The following AKAP6 variants were observed in gnomAD, a reference collection of about 807,000 sequenced individuals.
The protein encoded by AKAP6 is A-kinase anchor protein 6.
In AKAP6, 58 loss-of-function variants were observed where a neutral mutation model predicts 188.5. That is an observed-to-expected ratio of 0.31 (90% CI 0.25 to 0.38). AKAP6 has a LOEUF of 0.38. Ranked by LOEUF, AKAP6 falls within the 10% of genes least tolerant of loss-of-function variation. AKAP6 has a pLI of 1.00. For missense variants in AKAP6, 2,710 were observed against 2,740.0 expected, an observed-to-expected ratio of 0.99 and a Z score of 0.24; for synonymous variants, 989 against 998.6, an observed-to-expected ratio of 0.99 and a Z score of 0.18.
At chr14:32,691,057 T>G (rs1033997107) in intron 8 of AKAP6, among the ~76,000 whole-genome samples, 6 of 152,168 alleles carry the variant, frequency 3.9e-5, no homozygotes, top group Non-Finnish European at 7.3e-5. Flanking sequence ...GTGAATGCAT[T>G]GACATAAACC....
At chr14:32,588,177 A>G (rs754250143) in intron 5 of AKAP6, among the ~76,000 whole-genome samples, 1 of 152,220 alleles carries the variant, frequency 6.6e-6, no homozygotes, top group Non-Finnish European at 1.5e-5. Context: ...TTTAAGGATT[A>G]TTTAGTTCAT....
At chr14:32,515,585 G>A (rs1881480315) in intron 2 of AKAP6, among the ~76,000 whole-genome samples, 1 of 152,160 alleles carries the variant, frequency 6.6e-6, no homozygotes, top group African/African-American at 2.4e-5. Context: ...GGGCTTGAGA[G>A]TACAGGTCAC....
intron 7 of AKAP6, among the ~76,000 whole-genome samples, chr14:32,603,828 A>C (rs973897308): frequency 6.6e-6 from 1 of 152,206 alleles, no homozygotes; most frequent in Admixed American, 6.5e-5. Context: ...AATTGGAAAT[A>C]CTGGAGGATA....
intron 11 of AKAP6, among the ~76,000 whole-genome samples, chr14:32,744,831 A>G (rs1007851107): frequency 4.1e-4 from 62 of 151,964 alleles, no homozygotes; most frequent in African/African-American, 1.4e-3. Flanking sequence ...CTCTGACTGT[A>G]TATTTTCAAA....
At chr14:32,788,588 G>A (rs2033503935) in intron 12 of AKAP6, among the ~76,000 whole-genome samples, 1 of 151,974 alleles carries the variant, frequency 6.6e-6, no homozygotes, top group Non-Finnish European at 1.5e-5. Context: ...CCTCAGCCAA[G>A]GGAAGCAGTG....
intron 11 of AKAP6, among the ~76,000 whole-genome samples, chr14:32,760,316 C>A (rs1203366221): frequency 6.6e-6 from 1 of 152,196 alleles, no homozygotes; most frequent in African/African-American, 2.4e-5. Context: ...CACCAGAGGA[C>A]ATTTATCCTG....
intron 11 of AKAP6, among the ~76,000 whole-genome samples, chr14:32,755,030 G>A (rs2032279888): frequency 6.6e-6 from 1 of 152,124 alleles, no homozygotes; most frequent in Non-Finnish European, 1.5e-5. Context: ...AGATCTGAAT[G>A]TTCATGTCCC....
At chr14:32,741,025 T>TG (rs1402209836) in intron 11 of AKAP6, among the ~76,000 whole-genome samples, 1 of 151,218 alleles carries the variant, frequency 6.6e-6, no homozygotes, top group Non-Finnish European at 1.5e-5. Flanking sequence ...TTTCTTTTTT[T>TG]TTTTTTGTGT....
intron 2 of AKAP6, among the ~76,000 whole-genome samples, chr14:32,534,539 T>C (rs1026706683): frequency 2.0e-5 from 3 of 152,214 alleles, no homozygotes; most frequent in Admixed American, 1.3e-4. Context: ...GAGTTAGTAA[T>C]GTTTTTGTTT....
At chr14:32,453,370 T>G (rs1460073624) in intron 2 of AKAP6, among the ~76,000 whole-genome samples, 1 of 152,126 alleles carries the variant, frequency 6.6e-6, no homozygotes, top group Non-Finnish European at 1.5e-5. Context: ...TCTAATGATA[T>G]AGTCACGAGG....
intron 2 of AKAP6, among the ~76,000 whole-genome samples, chr14:32,477,177 G>A (rs1227334873): frequency 1.3e-5 from 2 of 152,158 alleles, no homozygotes; most frequent in Admixed American, 6.5e-5. Flanking sequence ...GATCCATTTG[G>A]AAGGGGTCTG....
At chr14:32,566,850 C>T (rs550606986) in intron 4 of AKAP6, among the ~76,000 whole-genome samples, 2 of 152,196 alleles carry the variant, frequency 1.3e-5, no homozygotes, top group South Asian at 2.1e-4. Context: ...ATTAGGTCTG[C>T]GTACTTGATT....
rs1437449754 is a variant in AKAP6 at position 32,834,531 on chromosome 14, G to GTGTTTTTTTTTTTT, written c.*4727_*4728insGTTTTTTTTTTTTT. On this transcript the variant is annotated 3_prime_UTR_variant, in exon 14 of 14. Transcript: ENST00000280979. ...ATCACACACTGCTTTTAGTTTCCAA[G>GTGTTTTTTTTTTTT]TCTTTTTTTTTTTTTTTTTTTTTAA... is the stretch of plus-strand genomic sequence containing the variant. The GTGTTTTTTTTTTTT allele has an allele frequency of 5.3e-3, 481 of 90,400 alleles. 6 individuals carry two copies. The highest frequency in any genetic ancestry group is 0.014 in the Middle Eastern group (2 of 146). 5.6% of individuals were successfully genotyped at this position (90,400 alleles called of 1,614,324 possible). A position where few individuals can be genotyped will look rare whatever the true frequency, so the allele number is the denominator to read the frequency against.
intron 2 of AKAP6, among the ~76,000 whole-genome samples, chr14:32,472,628 A>C (rs551712134): frequency 6.6e-6 from 1 of 152,248 alleles, no homozygotes; most frequent in Non-Finnish European, 1.5e-5. Context: ...TGGCAGGGAG[A>C]TGGCAACGAG....
In AKAP6 at chr14:32,776,915, G is replaced by A. The variant is rs140988900; in HGVS notation, c.3588+3022G>A. ...GAGGAAAGGGCTACACAGACAGGGC[G>A]CACCGGAGATATACAGAGGGATGCT... is the stretch of plus-strand genomic sequence containing the variant. On this transcript the variant is annotated intron_variant, in intron 12 of 13. Transcript: ENST00000280979. Among the ~76,000 whole-genome samples the A allele has an allele frequency of 7.6e-3, 1,154 of 152,196 alleles. 4 individuals carry two copies. The highest frequency in any genetic ancestry group is 0.012 in the Admixed American group (189 of 15,282).
At chr14:32,668,565 T>G (rs374750183) in intron 7 of AKAP6, among the ~76,000 whole-genome samples, 3 of 152,272 alleles carry the variant, frequency 2.0e-5, no homozygotes, top group East Asian at 3.9e-4. Flanking sequence ...TTATAGTGAA[T>G]GTTTCTAATA....
At chr14:32,451,391 G>T (rs1890929709) in intron 2 of AKAP6, among the ~76,000 whole-genome samples, 1 of 152,034 alleles carries the variant, frequency 6.6e-6, no homozygotes, top group Admixed American at 6.6e-5. Context: ...GGCCTGTTCT[G>T]CAGAGTTTGC....
intron 11 of AKAP6, among the ~76,000 whole-genome samples, chr14:32,753,225 T>C (rs2032206176): frequency 1.3e-5 from 2 of 152,194 alleles, no homozygotes; most frequent in Admixed American, 1.3e-4. Context: ...TTTTCTCTTT[T>C]TGATAATAGC....
intron 8 of AKAP6, among the ~76,000 whole-genome samples, chr14:32,692,351 T>A (rs752647592): frequency 4.0e-5 from 6 of 151,442 alleles, no homozygotes; most frequent in Non-Finnish European, 8.8e-5. Context: ...ATTTTATATA[T>A]TTTTTAATTT....
Sources: allele counts gnomAD v4.1 joint callset (sites outside exome capture counted in the v4.1 genomes callset), GRCh38; gene constraint gnomAD v4.1.1; transcripts MANE v1.5; gene names NCBI Gene and HGNC (gene_info 2026-07-23, HGNC 2026-07-21).